The following PCDH9 variants were observed in gnomAD, a reference collection of about 807,000 sequenced individuals.
PCDH9 encodes the protein protocadherin 9.
A neutral mutation model predicts 70.6 loss-of-function variants in PCDH9; 24 were observed. The ratio of observed to expected loss-of-function variants is 0.34; its 90% CI spans 0.25 to 0.48. The LOEUF (loss-of-function observed/expected upper bound fraction) is 0.48. PCDH9 is among the 20% of genes least tolerant of loss of function. PCDH9 has a pLI of 0.99. For missense variants in PCDH9, 1,281 were observed against 1,503.6 expected (o/e 0.85, Z 2.45); for synonymous variants, 562 against 558.5 (o/e 1.01, Z -0.09).
intron 2 of PCDH9, among the ~76,000 whole-genome samples, chr13:66,984,430 T>C (rs1265189030): frequency 2.0e-5 from 3 of 152,166 alleles, no homozygotes; most frequent in Non-Finnish European, 4.4e-5. Flanking sequence ...TGTGTTGCAA[T>C]AGAAAAACAC....
chr13:66,761,531 T>C (rs771063817), intron 3 of PCDH9, among the ~76,000 whole-genome samples: 6 of 152,330 alleles, frequency 3.9e-5, no homozygotes, highest in Middle Eastern at 3.4e-3. Flanking sequence ...GCTTTCTTCA[T>C]TTCTTTTCAT....
intron 2 of PCDH9, among the ~76,000 whole-genome samples, chr13:66,971,440 A>G (rs1270579859): frequency 6.6e-6 from 1 of 152,082 alleles, no homozygotes; most frequent in Non-Finnish European, 1.5e-5. Flanking sequence ...TCTCAAAAAC[A>G]TTAAATAACA....
intron 4 of PCDH9, among the ~76,000 whole-genome samples, chr13:66,456,996 A>ATTG (rs1441244864): frequency 6.6e-6 from 1 of 152,114 alleles, no homozygotes; most frequent in African/African-American, 2.4e-5. Context: ...AAAAGTAATT[A>ATTG]CTATCCTGAA....
intron 4 of PCDH9, among the ~76,000 whole-genome samples, chr13:66,530,731 A>G (rs939705003): frequency 2.7e-5 from 4 of 146,446 alleles, no homozygotes; most frequent in African/African-American, 7.3e-5. Flanking sequence ...AGATGATAGT[A>G]AAAAAAAATA....
chr13:66,475,225 C>T (rs1432652121), intron 4 of PCDH9, among the ~76,000 whole-genome samples: 1 of 152,040 alleles, frequency 6.6e-6, no homozygotes, highest in Non-Finnish European at 1.5e-5. Flanking sequence ...TAGCAAATAT[C>T]TGCCAGTTTT....
intron 2 of PCDH9, among the ~76,000 whole-genome samples, chr13:66,975,674 T>C (rs2083605473): frequency 6.6e-6 from 1 of 152,034 alleles, no homozygotes; most frequent in African/African-American, 2.4e-5. Context: ...GTATCATTAA[T>C]GCTCTCATTC....
At chr13:67,161,133 T>C (rs1429934576) in intron 2 of PCDH9, among the ~76,000 whole-genome samples, 3 of 152,216 alleles carry the variant, frequency 2.0e-5, no homozygotes, top group Non-Finnish European at 4.4e-5. Flanking sequence ...GAGGAAACCA[T>C]TTCCAATACC....
chr13:66,627,272 C>G (rs117914141), intron 4 of PCDH9, among the ~76,000 whole-genome samples: 1 of 152,032 alleles, frequency 6.6e-6, no homozygotes, highest in Non-Finnish European at 1.5e-5. Flanking sequence ...TATCAAAGCC[C>G]GGTCAACAAA....
chr13:67,201,319 C>T (rs1440014654), intron 2 of PCDH9: 1 of 151,976 alleles, frequency 6.6e-6, no homozygotes, highest in Non-Finnish European at 1.5e-5. Flanking sequence ...GAACGTTATA[C>T]ATTTTGATAT....
chr13:67,206,591 C>A (rs1340613084), intron 2 of PCDH9: 2 of 152,098 alleles, frequency 1.3e-5, no homozygotes, highest in Admixed American at 1.3e-4. Flanking sequence ...TAGGAAAATG[C>A]TAAAATTGTA....
rs770877889 is a variant in PCDH9, at chr13:67,227,961, G to A, written c.480C>T (p.Arg160=). The A allele has an allele frequency of 1.2e-6, 2 of 1,614,128 alleles. No individual in the cohort carries two copies. Among genetic ancestry groups the A allele is most frequent in the Admixed American group, 1.7e-5 (1 of 60,028 alleles). The change falls in exon 2 of 5, where the codon CGC becomes CGT. Residue 160 remains arginine (R), a synonymous_variant. Transcript: ENST00000377865. The surrounding 1 kb of genome is among the most constrained non-coding windows in gnomAD (Gnocchi z 4.6). ...GATCTGTTGCTGATGGAATTGGAAA[G>A]CGGCTGTTGATCAAAGTGTTTTCTG... ...SIPENTLINS[R]FPIPSATDPD... is the part of the protein sequence containing the mutation.
chr13:66,439,311 T>C (rs1275698461), intron 4 of PCDH9, among the ~76,000 whole-genome samples: 1 of 152,184 alleles, frequency 6.6e-6, no homozygotes, highest in African/African-American at 2.4e-5. Flanking sequence ...ATCTCATCTA[T>C]AAAATACAGT....
intron 2 of PCDH9, among the ~76,000 whole-genome samples, chr13:67,047,576 G>T (rs780129149): frequency 2.0e-5 from 3 of 152,060 alleles, no homozygotes; most frequent in Non-Finnish European, 4.4e-5. Context: ...TATGAATTTG[G>T]GTTTGCGGTT....
intron 2 of PCDH9, among the ~76,000 whole-genome samples, chr13:67,111,972 A>G (rs78399812): frequency 0.1 from 15,498 of 152,252 alleles, 861 homozygotes; most frequent in South Asian, 0.14. Flanking sequence ...ATCATTAGTT[A>G]TGTCATGTCA....
intron 4 of PCDH9, among the ~76,000 whole-genome samples, chr13:66,490,888 G>T (rs528190064): frequency 2.0e-5 from 3 of 152,238 alleles, no homozygotes; most frequent in Non-Finnish European, 4.4e-5. Flanking sequence ...AACTTTTTGT[G>T]ACATTTCTTT....
chr13:66,987,050 T>A (rs1330815964), intron 2 of PCDH9, among the ~76,000 whole-genome samples: 1 of 151,998 alleles, frequency 6.6e-6, no homozygotes, highest in Admixed American at 6.6e-5. Flanking sequence ...AAAAATGGCA[T>A]TTGAGAGGGC....
intron 4 of PCDH9, among the ~76,000 whole-genome samples, chr13:66,558,524 T>C (rs915613160): frequency 6.6e-6 from 1 of 151,792 alleles, no homozygotes; most frequent in African/African-American, 2.4e-5. Context: ...AAGGGGTGAG[T>C]TAAAGAGTTG....
chr13:66,609,941 A>G (rs1251308310), intron 4 of PCDH9, among the ~76,000 whole-genome samples: 1 of 150,504 alleles, frequency 6.6e-6, no homozygotes, highest in Non-Finnish European at 1.5e-5. Flanking sequence ...GTAAGGAGAA[A>G]TAGCATTTCC....
intron 4 of PCDH9, among the ~76,000 whole-genome samples, chr13:66,340,527 A>G (rs1956107923): frequency 6.6e-6 from 1 of 152,206 alleles, no homozygotes; most frequent in South Asian, 2.1e-4. Flanking sequence ...ATGGAGACTC[A>G]ACAGTGACAG....
Sources: gnomAD v4.1 joint callset for allele counts (sites outside exome capture counted in the v4.1 genomes callset) on GRCh38, gnomAD v4.1.1 for gene constraint, Gnocchi (gnomAD v3.1) non-coding constraint, MANE v1.5 for transcripts, NCBI Gene and HGNC (gene_info 2026-07-23, HGNC 2026-07-21) for gene names.